RIPOR3: variants seen among roughly 807,000 people sequenced by gnomAD.
The protein encoded by RIPOR3 is family with sequence similarity 65 member C.
A neutral mutation model predicts 114.3 loss-of-function variants in RIPOR3; 95 were observed. That is an observed-to-expected ratio of 0.83 (90% CI 0.70 to 0.99). RIPOR3 has a LOEUF of 0.99. RIPOR3 is among the 50% of genes least tolerant of loss of function. The probability of loss-of-function intolerance (pLI) is 0.00; values close to 1 mark genes in which losing one functional copy is unlikely to be tolerated. For synonymous variants in RIPOR3, 575 were observed against 543.8 expected, an observed-to-expected ratio of 1.06 and a Z score of -0.80; for missense variants, 1,252 against 1,266.9, an observed-to-expected ratio of 0.99 and a Z score of 0.18.
At chr20:50,648,290 GA>G (rs939182126) in intron 1 of RIPOR3, among the ~76,000 whole-genome samples, 2 of 145,398 alleles carry the variant, frequency 1.4e-5, no homozygotes, top group East Asian at 2.0e-4. Context: ...AAAAAAGAAA[GA>G]AAAAAATCCA....
rs373400391 is a variant in RIPOR3, at chr20:50,665,822, T to C, written c.3+25304A>G. Among the ~76,000 whole-genome samples, 23 of 152,234 alleles carry C rather than the reference T, an allele frequency of 1.5e-4. No individual in the cohort carries two copies. The South Asian group carries it at 2.5e-3, about 16-fold the overall frequency. The stretch of plus-strand genomic sequence containing the variant: ...CACCTCCACGTTCTTTTGGCCACCA[T>C]GACTGGTTCAACCAAGGAATCTGCT... On this transcript the variant is annotated intron_variant, in intron 1 of 21. Transcript: ENST00000327979.
At chr20:50,624,095 C>T (rs1366392297) in intron 2 of RIPOR3, among the ~76,000 whole-genome samples, 1 of 152,184 alleles carries the variant, frequency 6.6e-6, no homozygotes, top group East Asian at 1.9e-4. Flanking sequence ...CCTTGGCCTC[C>T]CAAAGTACTG....
chr20:50,606,867 C>G (rs922977458), intron 11 of RIPOR3, among the ~76,000 whole-genome samples: 2 of 152,040 alleles, frequency 1.3e-5, no homozygotes, highest in Admixed American at 1.3e-4. Context: ...GTAGCTGAAA[C>G]TATAGGCCCG....
In RIPOR3 at chr20:50,609,687, G is replaced by A. The variant is rs1425865398; in HGVS notation, c.462C>T (p.Cys154=). ...DELYEDYCIQ[C]RLRDGASSMQ... is the part of the protein sequence containing the mutation. ...TGCTGGAGGCGCCGTCGCGCAGGCG[G>A]CACTGGATGCAGTAGTCCTCGTACA... Residue 154 remains cysteine, a synonymous_variant, in exon 7 of 22, where the codon TGC becomes TGT. Transcript: ENST00000327979. 1 of 1,392,824 alleles carries A rather than the reference G, an allele frequency of 7.2e-7. No individual in the cohort carries two copies. Among genetic ancestry groups the A allele is most frequent in the South Asian group, 1.8e-5 (1 of 56,544 alleles). The allele number at this position is 1,392,824 out of a possible 1,614,324, so 86.3% of individuals were successfully genotyped here.
chr20:50,664,871 G>A (rs2086128195), intron 1 of RIPOR3, among the ~76,000 whole-genome samples: 1 of 152,174 alleles, frequency 6.6e-6, no homozygotes, highest in African/African-American at 2.4e-5. Flanking sequence ...GGAGGCCGGG[G>A]CAGGAGGATC....
At chr20:50,683,656 C>G (rs1159050358) in intron 1 of RIPOR3, among the ~76,000 whole-genome samples, 1 of 151,716 alleles carries the variant, frequency 6.6e-6, no homozygotes, top group African/African-American at 2.4e-5. Flanking sequence ...TGTCTCTACT[C>G]CTGTTGGTCA....
chr20:50,657,362 A>G (rs1409544544), intron 1 of RIPOR3, among the ~76,000 whole-genome samples: 1 of 152,240 alleles, frequency 6.6e-6, no homozygotes, highest in African/African-American at 2.4e-5. Flanking sequence ...CCTCATCTCT[A>G]CTACAGATAC....
chr20:50,601,453 CATAAAAA>C (rs1401207600), intron 13 of RIPOR3, among the ~76,000 whole-genome samples: 1 of 152,088 alleles, frequency 6.6e-6, no homozygotes. Context: ...AAAATAAATA[CATAAAAA>C]ATAAAAGAGC....
chr20:50,670,983 A>C (rs2086457750), intron 1 of RIPOR3, among the ~76,000 whole-genome samples: 1 of 152,094 alleles, frequency 6.6e-6, no homozygotes, highest in Non-Finnish European at 1.5e-5. Flanking sequence ...GCTGGAGTGC[A>C]GTGGTGTGAT....
chr20:50,680,123 C>G (rs2086811479), intron 1 of RIPOR3, among the ~76,000 whole-genome samples: 1 of 152,188 alleles, frequency 6.6e-6, no homozygotes, highest in Non-Finnish European at 1.5e-5. Flanking sequence ...AGCGTCAGCA[C>G]CCCCACCCTC....
Position 50,609,722 on chromosome 20 carries a change from C to T in RIPOR3, c.427G>A (p.Val143Met). Reference sequence around the variant, plus strand: ...CAGTAGTCCTCGTACAGCTCATCCACCTGTGGTGGGCACACGGGCTGGTGG... The same window carrying T: ...CAGTAGTCCTCGTACAGCTCATCCATCTGTGGTGGGCACACGGGCTGGTGG... ...IRKMEFHISKVDELYEDYCIQ... is the reference protein window; with the variant it reads ...IRKMEFHISKMDELYEDYCIQ... Residue 143 changes from valine to methionine, a missense_variant and splice_region_variant, in exon 7 of 22, where the codon GTG becomes ATG. Coordinates refer to ENST00000327979, the MANE Select transcript of RIPOR3 (RefSeq NM_001290268.2). The T allele has an allele frequency of 2.2e-6, 3 of 1,371,374 alleles. No individual in the cohort carries two copies. The highest frequency in any genetic ancestry group is 2.8e-6 in the Non-Finnish European group (3 of 1,059,956). The allele number at this position is 1,371,374 out of a possible 1,614,324, so 85.0% of individuals were successfully genotyped here.
At chr20:50,688,521 G>A (rs958213135) in intron 1 of RIPOR3, among the ~76,000 whole-genome samples, 1 of 152,124 alleles carries the variant, frequency 6.6e-6, no homozygotes, top group African/African-American at 2.4e-5. Context: ...TTTTAACAAT[G>A]GTGTGTTTAG....
chr20:50,681,221 T>G (rs1408032877), intron 1 of RIPOR3, among the ~76,000 whole-genome samples: 1 of 64,012 alleles, frequency 1.6e-5, no homozygotes, highest in African/African-American at 5.8e-5. Flanking sequence ...CCAAACTCTG[T>G]CTCAAAAAAA....
intron 4 of RIPOR3, among the ~76,000 whole-genome samples, chr20:50,615,108 A>AGTGTGTGT (rs56136460): frequency 0.22 from 30,934 of 138,258 alleles, 3,618 homozygotes; most frequent in East Asian, 0.36. Context: ...GCTATTTGTG[A>AGTGTGTGT]GTGTGTGTGT....
chr20:50,643,956 G>A (rs1234849540), intron 1 of RIPOR3, among the ~76,000 whole-genome samples: 1 of 151,566 alleles, frequency 6.6e-6, no homozygotes, highest in African/African-American at 2.4e-5. Flanking sequence ...CTCGTGATCC[G>A]CCCACCTCAG....
chr20:50,670,343 C>T (rs1311156611), intron 1 of RIPOR3, among the ~76,000 whole-genome samples: 1 of 151,844 alleles, frequency 6.6e-6, no homozygotes, highest in Non-Finnish European at 1.5e-5. Context: ...TGGGAAGTCT[C>T]GTCATCAACA....
chr20:50,655,792 A>G (rs2085790312), intron 1 of RIPOR3, among the ~76,000 whole-genome samples: 1 of 151,858 alleles, frequency 6.6e-6, no homozygotes, highest in Non-Finnish European at 1.5e-5. Flanking sequence ...AAAGATGAAC[A>G]CGAACTGAGT....
chr20:50,604,760 T>C lies in RIPOR3; in HGVS notation c.971A>G (p.Glu324Gly), dbSNP rs2083642264. The change falls in exon 12 of 22, where the codon GAG (glutamate) becomes GGG (glycine). Residue 324 changes from glutamate (E) to glycine (G), a missense_variant. Transcript: ENST00000327979. ...LEVQWNPFDT[E>G]SFLVSPSPTG... ...GGGGCTGGGTGACACCAGGAAGCTC[T>C]CAGTATCAAACGGGCTGGAGGAGAG... 6.2e-7 allele frequency: 1 copy of C among 1,607,424 alleles called. No homozygotes were observed. The highest frequency in any genetic ancestry group is 2.3e-5 in the East Asian group (1 of 44,282).
intron 11 of RIPOR3, among the ~76,000 whole-genome samples, chr20:50,605,778 C>CA (rs1182652125): frequency 4.8e-4 from 61 of 126,528 alleles, no homozygotes; most frequent in South Asian, 3.4e-3. Flanking sequence ...GACTCTATCT[C>CA]AAAAAAAAAG....
Sources: allele counts gnomAD v4.1 joint callset (sites outside exome capture counted in the v4.1 genomes callset), GRCh38; gene constraint gnomAD v4.1.1; transcripts MANE v1.5; gene names NCBI Gene and HGNC (gene_info 2026-07-23, HGNC 2026-07-21).